PTPRT: variants seen among roughly 807,000 people sequenced by gnomAD.
PTPRT encodes receptor-type tyrosine-protein phosphatase T.
PTPRT carries 56 observed loss-of-function variants against 176.8 expected under a neutral mutation model. That is an observed-to-expected ratio of 0.32 (90% confidence interval 0.26 to 0.40). PTPRT has a LOEUF of 0.40. PTPRT is among the 10% of genes least tolerant of loss of function. The pLI, the probability that PTPRT is intolerant of heterozygous loss-of-function variation, is 1.00. For missense variants in PTPRT, 1,540 were observed against 1,908.2 expected, an observed-to-expected ratio of 0.81 and a Z score of 3.60; for synonymous variants, 783 against 739.0, an observed-to-expected ratio of 1.06 and a Z score of -0.96.
chr20:42,209,473 C>T (rs899504194), intron 15 of PTPRT, among the ~76,000 whole-genome samples: 42 of 152,064 alleles, frequency 2.8e-4, no homozygotes, highest in South Asian at 4.2e-4. Context: ...ATATCACCAC[C>T]AATCCCACAG....
chr20:42,204,637 G>A (rs2055405820), intron 15 of PTPRT, among the ~76,000 whole-genome samples: 1 of 152,152 alleles, frequency 6.6e-6, no homozygotes, highest in Admixed American at 6.5e-5. Flanking sequence ...TCCTTCTAAC[G>A]GATCACTTTG....
At chr20:42,949,564 C>A (rs1406568551) in intron 1 of PTPRT, among the ~76,000 whole-genome samples, 4 of 152,162 alleles carry the variant, frequency 2.6e-5, no homozygotes, top group Non-Finnish European at 5.9e-5. Flanking sequence ...TTCATTTGAG[C>A]TGGCCAGCCA....
At chr20:42,910,996 A>G (rs2079536693) in intron 1 of PTPRT, among the ~76,000 whole-genome samples, 1 of 152,136 alleles carries the variant, frequency 6.6e-6, no homozygotes, top group South Asian at 2.1e-4. Context: ...TAAAACCATC[A>G]GATCTCGTGA....
intron 1 of PTPRT, among the ~76,000 whole-genome samples, chr20:42,921,605 A>C (rs1432566664): frequency 6.6e-6 from 1 of 152,048 alleles, no homozygotes; most frequent in Non-Finnish European, 1.5e-5. Context: ...ACAACACAAA[A>C]ATTTTCTAAA....
chr20:42,727,821 C>T (rs2076403137), intron 6 of PTPRT, among the ~76,000 whole-genome samples: 1 of 152,110 alleles, frequency 6.6e-6, no homozygotes, highest in African/African-American at 2.4e-5. Context: ...AGGTACAAGT[C>T]CAACGTTCTT....
At chr20:42,274,067 A>T (rs770132809) in intron 13 of PTPRT, among the ~76,000 whole-genome samples, 1 of 152,240 alleles carries the variant, frequency 6.6e-6, no homozygotes, top group Non-Finnish European at 1.5e-5. Flanking sequence ...AAGGAGGCAG[A>T]AACAGAAAAA....
At chr20:42,731,483 C>T (rs377221760) in intron 6 of PTPRT, among the ~76,000 whole-genome samples, 4 of 152,284 alleles carry the variant, frequency 2.6e-5, no homozygotes, top group African/African-American at 4.8e-5. Flanking sequence ...CATGTACAGC[C>T]GCTACATAAA....
rs758032029 is a variant in PTPRT at position 42,472,566 on chromosome 20, C to A, written c.1154-4G>T. On this transcript the variant is annotated splice_region_variant and splice_polypyrimidine_tract_variant and intron_variant, in intron 7 of 30. Coordinates refer to ENST00000373187, the MANE Select transcript of PTPRT (RefSeq NM_007050.6). The stretch of plus-strand genomic sequence containing the variant: ...TTCTGTGGGCCATGTACCGGATCTG[C>A]AAAACATGCAGGCAAGAAACAAGGG... The A allele has an allele frequency of 1.2e-6, 2 of 1,612,674 alleles. No homozygotes were observed. Among genetic ancestry groups the A allele is most frequent in the African/African-American group, 2.7e-5 (2 of 74,908 alleles).
intron 7 of PTPRT, among the ~76,000 whole-genome samples, chr20:42,519,361 C>T (rs1032549177): frequency 2.0e-5 from 3 of 152,100 alleles, no homozygotes; most frequent in Non-Finnish European, 4.4e-5. Flanking sequence ...TTTAACTATT[C>T]ACCCAAGGGA....
intron 1 of PTPRT, among the ~76,000 whole-genome samples, chr20:42,950,996 T>A (rs1981203083): frequency 6.6e-6 from 1 of 152,250 alleles, no homozygotes; most frequent in Non-Finnish European, 1.5e-5. Flanking sequence ...GTTTTCTTCA[T>A]CAAAGAGCAC....
chr20:42,525,373 T>C (rs1306471627), intron 7 of PTPRT, among the ~76,000 whole-genome samples: 2 of 152,346 alleles, frequency 1.3e-5, no homozygotes, highest in East Asian at 1.9e-4. Flanking sequence ...ATAAGCTTTA[T>C]TCAGGGTGGA....
chr20:42,681,770 G>A (rs538414940), intron 6 of PTPRT, among the ~76,000 whole-genome samples: 1 of 152,294 alleles, frequency 6.6e-6, no homozygotes, highest in African/African-American at 2.4e-5. Flanking sequence ...TTCGAGAATA[G>A]AGAGGCCCTG....
At chr20:42,211,268 A>G (rs8183426) in intron 15 of PTPRT, among the ~76,000 whole-genome samples, 7,590 of 151,702 alleles carry the variant, frequency 0.05, 283 homozygotes, top group East Asian at 0.13. Flanking sequence ...ACCAAAAGCA[A>G]TGGCAACAAA....
At chr20:43,074,976 A>G (rs2011237967) in intron 1 of PTPRT, among the ~76,000 whole-genome samples, 1 of 152,212 alleles carries the variant, frequency 6.6e-6, no homozygotes, top group African/African-American at 2.4e-5. Flanking sequence ...CACACATCTC[A>G]TTCTGCCCCT....
chr20:42,605,089 G>A (rs7267705), intron 7 of PTPRT, among the ~76,000 whole-genome samples: 41,704 of 151,906 alleles, frequency 0.27, 8,369 homozygotes, highest in African/African-American at 0.57. Context: ...GGAGTGAGGC[G>A]TGACCCAAGC....
At chr20:42,573,698 C>A (rs1358054122) in intron 7 of PTPRT, among the ~76,000 whole-genome samples, 3 of 151,358 alleles carry the variant, frequency 2.0e-5, no homozygotes, top group African/African-American at 7.3e-5. Flanking sequence ...GATACAACCC[C>A]GTTATCAGCA....
intron 6 of PTPRT, among the ~76,000 whole-genome samples, chr20:42,747,092 G>T (rs2076701701): frequency 6.6e-6 from 1 of 152,270 alleles, no homozygotes; most frequent in Non-Finnish European, 1.5e-5. Context: ...GAATTACAAA[G>T]CTCACAGCTC....
In PTPRT at chr20:42,167,066, A is replaced by G. The variant is rs867555301; in HGVS notation, c.2492-5524T>C. On this transcript the variant is annotated intron_variant, in intron 16 of 30. Coordinates refer to ENST00000373187, the MANE Select transcript of PTPRT (RefSeq NM_007050.6). ...CAAGTGACAAATCTTTCTGCATCTC[A>G]GTTTCTTTATCTATAATACAGAGAA... Among the ~76,000 whole-genome samples, 3 of 152,296 alleles carry G rather than the reference A, an allele frequency of 2.0e-5. No individual in the cohort carries two copies. The South Asian group carries it at 6.2e-4, about 32-fold the overall frequency.
At chr20:42,407,360 G>A (rs893404625) in intron 9 of PTPRT, among the ~76,000 whole-genome samples, 2 of 152,138 alleles carry the variant, frequency 1.3e-5, no homozygotes, top group African/African-American at 4.8e-5. Flanking sequence ...AAAAGCCAAT[G>A]CATTCACTTT....
Sources: allele counts gnomAD v4.1 joint callset (sites outside exome capture counted in the v4.1 genomes callset), GRCh38; gene constraint gnomAD v4.1.1; transcripts MANE v1.5; gene names NCBI Gene and HGNC (gene_info 2026-07-23, HGNC 2026-07-21).